The following GPR39 variants were observed in gnomAD, a reference collection of about 807,000 sequenced individuals.
The protein encoded by GPR39 is zinc sensing receptor.
GPR39 carries 23 observed loss-of-function variants against 18.4 expected under a neutral mutation model. The observed-to-expected ratio is 1.25, with a 90% CI of 0.90 to 1.77. The LOEUF (loss-of-function observed/expected upper bound fraction) is 1.77. GPR39 is among the 40% of genes most tolerant of loss of function. The pLI is 0.00. For synonymous variants in GPR39, 280 were observed against 257.9 expected (o/e 1.09, Z -0.82); for missense variants, 647 against 602.4 (o/e 1.07, Z -0.78).
chr2:132,525,132 A>C (rs1413845743), intron 1 of GPR39, among the ~76,000 whole-genome samples: 1 of 152,174 alleles, frequency 6.6e-6, no homozygotes, highest in Non-Finnish European at 1.5e-5. Context: ...ACCTCCCATG[A>C]AGCCCGTGGG....
intron 1 of GPR39, among the ~76,000 whole-genome samples, chr2:132,552,905 C>T (rs1322946953): frequency 2.2e-5 from 2 of 92,296 alleles, no homozygotes; most frequent in African/African-American, 5.6e-5. Flanking sequence ...TATATATACA[C>T]ACACATATAT....
rs950967629 is a variant in GPR39 at position 132,576,219 on chromosome 2, G to T, written c.857-68882G>T. Among the ~76,000 whole-genome samples the T allele has an allele frequency of 7.9e-5, 12 of 152,210 alleles. No homozygotes were observed. In the South Asian group the frequency reaches 2.5e-3, roughly 32 times the overall value. On this transcript the variant is annotated intron_variant, in intron 1 of 1. Coordinates refer to ENST00000329321, the MANE Select transcript of GPR39 (RefSeq NM_001508.3). ...TATTCTAGGTGTTAGTCCTTTGTTG[G>T]ATATGTGGTCTGAAAATATTTTCTC...
At chr2:132,487,158 C>G (rs757271240) in intron 1 of GPR39, among the ~76,000 whole-genome samples, 4 of 152,172 alleles carry the variant, frequency 2.6e-5, no homozygotes, top group Non-Finnish European at 5.9e-5. Flanking sequence ...AGTTCACCAT[C>G]TTATATGGGT....
At chr2:132,634,836 G>A (rs1286062351) in intron 1 of GPR39, among the ~76,000 whole-genome samples, 1 of 152,166 alleles carries the variant, frequency 6.6e-6, no homozygotes, top group Non-Finnish European at 1.5e-5. Flanking sequence ...TCTGTGTCCT[G>A]TTATACCCAT....
At chr2:132,433,006 C>A (rs1362777083) in intron 1 of GPR39, among the ~76,000 whole-genome samples, 3 of 152,070 alleles carry the variant, frequency 2.0e-5, no homozygotes, top group Non-Finnish European at 2.9e-5. Context: ...ATGATTTTTT[C>A]CCAATAAACG....
At chr2:132,561,288 T>C (rs970830836) in intron 1 of GPR39, among the ~76,000 whole-genome samples, 3 of 152,106 alleles carry the variant, frequency 2.0e-5, no homozygotes, top group African/African-American at 7.2e-5. Context: ...TGGGTCCCAC[T>C]CCAGGTGAAT....
chr2:132,603,966 G>A (rs1411342991), intron 1 of GPR39, among the ~76,000 whole-genome samples: 1 of 152,114 alleles, frequency 6.6e-6, no homozygotes, highest in Non-Finnish European at 1.5e-5. Flanking sequence ...CACATTTGTG[G>A]ATGTGAACAT....
chr2:132,605,820 A>C (rs1433831408), intron 1 of GPR39, among the ~76,000 whole-genome samples: 9 of 152,232 alleles, frequency 5.9e-5, no homozygotes, highest in Admixed American at 2.0e-4. Context: ...AGGGTAGCAG[A>C]GGCCAAAGGG....
At chr2:132,461,254 T>C (rs1472771017) in intron 1 of GPR39, among the ~76,000 whole-genome samples, 1 of 152,204 alleles carries the variant, frequency 6.6e-6, no homozygotes, top group Non-Finnish European at 1.5e-5. Flanking sequence ...CCCTCGACTC[T>C]GGGCTCTTAC....
intron 1 of GPR39, among the ~76,000 whole-genome samples, chr2:132,596,808 G>A (rs917298997): frequency 1.3e-5 from 2 of 152,114 alleles, no homozygotes; most frequent in African/African-American, 2.4e-5. Context: ...AGGATCTCTG[G>A]GAATGGAACT....
In GPR39 at chr2:132,427,131, CATATATATAT is replaced by C. The variant is rs199931479; in HGVS notation, c.856+9258_856+9267del. On this transcript the variant is annotated intron_variant, in intron 1 of 1. Transcript: ENST00000329321. ...TATATATAATATACATATATAGGTA[CATATATATAT>C]ATATATATATATATATATATATATG... Among the ~76,000 whole-genome samples, 60 of 80,772 alleles carry C rather than the reference CATATATATAT, an allele frequency of 7.4e-4. 2 individuals are homozygous for C. The highest frequency in any genetic ancestry group is 1.3e-3 in the African/African-American group (24 of 18,046). The allele number at this position is 80,772 out of a possible 152,430, so 53.0% of individuals were successfully genotyped here.
intron 1 of GPR39, among the ~76,000 whole-genome samples, chr2:132,507,887 G>A (rs1282895642): frequency 2.0e-5 from 3 of 152,194 alleles, no homozygotes; most frequent in Admixed American, 1.3e-4. Flanking sequence ...TCTTTGGAAC[G>A]TGTCGCCCTC....
chr2:132,461,903 C>T (rs953704052), intron 1 of GPR39, among the ~76,000 whole-genome samples: 3 of 152,168 alleles, frequency 2.0e-5, no homozygotes, highest in Non-Finnish European at 4.4e-5. Context: ...TTAGTGAGAA[C>T]CCCCCATATG....
At chr2:132,561,222 G>A (rs1680247504) in intron 1 of GPR39, among the ~76,000 whole-genome samples, 1 of 152,038 alleles carries the variant, frequency 6.6e-6, no homozygotes. Context: ...CTGGCCCAGT[G>A]CCTCACATTT....
At chr2:132,519,892 A>C (rs762068805) in intron 1 of GPR39, among the ~76,000 whole-genome samples, 3 of 152,070 alleles carry the variant, frequency 2.0e-5, no homozygotes, top group Non-Finnish European at 4.4e-5. Context: ...TTCATCCTCT[A>C]CCCAGCTGTC....
intron 1 of GPR39, among the ~76,000 whole-genome samples, chr2:132,468,751 T>C (rs984478430): frequency 6.6e-6 from 1 of 152,182 alleles, no homozygotes; most frequent in Non-Finnish European, 1.5e-5. Flanking sequence ...GGCAGGTCTC[T>C]GTCTGGCAGT....
At chr2:132,593,139 A>G (rs1263607217) in intron 1 of GPR39, among the ~76,000 whole-genome samples, 1 of 152,224 alleles carries the variant, frequency 6.6e-6, no homozygotes, top group East Asian at 1.9e-4. Flanking sequence ...CCTTAGGGAC[A>G]CATTGCTCTC....
At chr2:132,512,324 GA>G (rs1679255555) in intron 1 of GPR39, among the ~76,000 whole-genome samples, 1 of 152,182 alleles carries the variant, frequency 6.6e-6, no homozygotes. Flanking sequence ...CAGTCATGGG[GA>G]AAGTTTAAGG....
chr2:132,609,613 T>A (rs1423499237), intron 1 of GPR39, among the ~76,000 whole-genome samples: 1 of 152,186 alleles, frequency 6.6e-6, no homozygotes. Context: ...ATATATTGAA[T>A]GCCAGCTGAC....
Sources: gnomAD v4.1 joint callset for allele counts (sites outside exome capture counted in the v4.1 genomes callset) on GRCh38, gnomAD v4.1.1 for gene constraint, MANE v1.5 for transcripts, NCBI Gene and HGNC (gene_info 2026-07-23, HGNC 2026-07-21) for gene names.